Variants in LRRC3B observed in about 807,000 individuals in gnomAD.
LRRC3B encodes leucine-rich repeat-containing protein 3B.
Under a neutral mutation model 12.8 loss-of-function variants are expected in LRRC3B, and 2 were observed. The observed-to-expected ratio is 0.16, with a 90% confidence interval of 0.06 to 0.49. The LOEUF is 0.49. LRRC3B is among the 20% of genes least tolerant of loss of function. The pLI, the probability that LRRC3B is intolerant of heterozygous loss-of-function variation, is 0.96. For synonymous variants in LRRC3B, 132 were observed against 122.0 expected, an observed-to-expected ratio of 1.08 and a Z score of -0.54; for missense variants, 189 against 319.4, an observed-to-expected ratio of 0.59 and a Z score of 3.11.
intron 1 of LRRC3B, among the ~76,000 whole-genome samples, chr3:26,642,878 G>T (rs986463370): frequency 6.6e-6 from 1 of 152,022 alleles, no homozygotes; most frequent in African/African-American, 2.4e-5. Context: ...TTAGCTGGGT[G>T]TGGTGGTGTG....
At chr3:26,631,508 G>T (rs1042008370) in intron 1 of LRRC3B, among the ~76,000 whole-genome samples, 1 of 152,208 alleles carries the variant, frequency 6.6e-6, no homozygotes, top group Admixed American at 6.5e-5. Flanking sequence ...AAGGCCCTAA[G>T]TGATAAAGAG....
At chr3:26,631,788 C>T (rs1055781875) in intron 1 of LRRC3B, among the ~76,000 whole-genome samples, 1 of 151,880 alleles carries the variant, frequency 6.6e-6, no homozygotes, top group Non-Finnish European at 1.5e-5. Context: ...TTGACTCTAA[C>T]CATCTCTGTG....
chr3:26,637,814 T>C (rs1235243652), intron 1 of LRRC3B, among the ~76,000 whole-genome samples: 1 of 152,232 alleles, frequency 6.6e-6, no homozygotes, highest in Non-Finnish European at 1.5e-5. Flanking sequence ...TACAACATTA[T>C]GGATGACTAA....
At chr3:26,688,118 G>T (rs1162362455) in intron 1 of LRRC3B, among the ~76,000 whole-genome samples, 1 of 152,152 alleles carries the variant, frequency 6.6e-6, no homozygotes, top group Non-Finnish European at 1.5e-5. Context: ...TAATAGAAAA[G>T]GGACGAACCT....
chr3:26,693,169 A>G (rs1700228173), intron 1 of LRRC3B, among the ~76,000 whole-genome samples: 1 of 151,148 alleles, frequency 6.6e-6, no homozygotes, highest in South Asian at 2.1e-4. Flanking sequence ...TCTCTACTAA[A>G]AATACAAAAA....
intron 1 of LRRC3B, among the ~76,000 whole-genome samples, chr3:26,653,579 GAA>G (rs5847412): frequency 5.4e-5 from 8 of 148,610 alleles, no homozygotes; most frequent in Non-Finnish European, 7.5e-5. Context: ...AGAACTCACA[GAA>G]AAAAAAAAAT....
chr3:26,635,378 G>A (rs7641478), intron 1 of LRRC3B, among the ~76,000 whole-genome samples: 68,612 of 152,090 alleles, frequency 0.45, 16,645 homozygotes, highest in Middle Eastern at 0.56. Flanking sequence ...CAATGTGATG[G>A]TATTTGGAGA....
intron 1 of LRRC3B, among the ~76,000 whole-genome samples, chr3:26,690,965 G>A (rs1478727224): frequency 6.6e-6 from 1 of 150,420 alleles, no homozygotes; most frequent in Non-Finnish European, 1.5e-5. Context: ...TAGTTGATTG[G>A]CTTTTCCATT....
At chr3:26,692,898 G>T (rs1169812609) in intron 1 of LRRC3B, among the ~76,000 whole-genome samples, 1 of 152,142 alleles carries the variant, frequency 6.6e-6, no homozygotes, top group Non-Finnish European at 1.5e-5. Context: ...GATCAGGCTG[G>T]TTTTCCCATA....
At chr3:26,686,692 A>G (rs1346440258) in intron 1 of LRRC3B, among the ~76,000 whole-genome samples, 3 of 152,242 alleles carry the variant, frequency 2.0e-5, no homozygotes, top group Non-Finnish European at 4.4e-5. Context: ...ATTCTAGGGA[A>G]GAAGACTCTG....
At chr3:26,642,189 A>C (rs147648604) in intron 1 of LRRC3B, among the ~76,000 whole-genome samples, 1 of 152,162 alleles carries the variant, frequency 6.6e-6, no homozygotes, top group South Asian at 2.1e-4. Context: ...AGAAAACTCC[A>C]CTGTATGTTT....
intron 1 of LRRC3B, among the ~76,000 whole-genome samples, chr3:26,644,898 A>G (rs1699109992): frequency 6.6e-6 from 1 of 152,204 alleles, no homozygotes; most frequent in South Asian, 2.1e-4. Flanking sequence ...ACACTCACAC[A>G]TATAATGCCC....
chr3:26,672,465 T>C (rs1193637537), intron 1 of LRRC3B, among the ~76,000 whole-genome samples: 1 of 152,164 alleles, frequency 6.6e-6, no homozygotes, highest in Admixed American at 6.5e-5. Flanking sequence ...GGCCCTTCAC[T>C]TGAGGGCCTG....
At chr3:26,651,060 A>G (rs1009305867) in intron 1 of LRRC3B, among the ~76,000 whole-genome samples, 28 of 152,238 alleles carry the variant, frequency 1.8e-4, no homozygotes, top group Non-Finnish European at 7.3e-5. Flanking sequence ...CCTGCAAAGT[A>G]GATCATTTTG....
chr3:26,661,823 CT>C, intron 1 of LRRC3B, among the ~76,000 whole-genome samples: 1 of 152,150 alleles, frequency 6.6e-6, no homozygotes, highest in East Asian at 1.9e-4. Flanking sequence ...CACTGCTTTT[CT>C]GTATTTCTTT....
chr3:26,691,179 C>A (rs1270905158), intron 1 of LRRC3B, among the ~76,000 whole-genome samples: 1 of 141,970 alleles, frequency 7.0e-6, no homozygotes, highest in Non-Finnish European at 1.5e-5. Context: ...CTTACATGAT[C>A]TCCCGTGTGA....
chr3:26,703,855 A>C (rs1417767123), intron 1 of LRRC3B, among the ~76,000 whole-genome samples: 2 of 151,968 alleles, frequency 1.3e-5, no homozygotes, highest in African/African-American at 4.8e-5. Context: ...ACCATTGTTC[A>C]ACTCTTTCAT....
At chr3:26,660,236 CCT>C (rs1699466898) in intron 1 of LRRC3B, among the ~76,000 whole-genome samples, 1 of 152,018 alleles carries the variant, frequency 6.6e-6, no homozygotes, top group Non-Finnish European at 1.5e-5. Context: ...TAGAGTTGCC[CCT>C]TAATTACAGA....
intron 1 of LRRC3B, among the ~76,000 whole-genome samples, chr3:26,691,934 C>T (rs1323537205): frequency 6.6e-6 from 1 of 152,158 alleles, no homozygotes; most frequent in African/African-American, 2.4e-5. Flanking sequence ...ATTTTTGCTT[C>T]GTTTGTAGTT....
Sources: allele counts gnomAD v4.1 joint callset (sites outside exome capture counted in the v4.1 genomes callset), GRCh38; gene constraint gnomAD v4.1.1; transcripts MANE v1.5; gene names NCBI Gene and HGNC (gene_info 2026-07-23, HGNC 2026-07-21).